Variants in PPP1R9A observed in about 807,000 individuals in gnomAD.
PPP1R9A encodes the protein protein phosphatase 1 regulatory subunit 9A, also known as neurabin-1.
In PPP1R9A, 59 loss-of-function variants were observed where a neutral mutation model predicts 141.9. That is an observed-to-expected ratio of 0.42 (90% CI 0.34 to 0.52). The LOEUF is 0.52. Among genes scored for constraint, PPP1R9A ranks in the 20% least tolerant of loss-of-function variants. The pLI is 0.10. For synonymous variants in PPP1R9A, 500 were observed against 569.7 expected (o/e 0.88, Z 1.74); for missense variants, 1,444 against 1,611.9 (o/e 0.90, Z 1.78).
rs560987684 is a variant in PPP1R9A at position 94,940,434 on chromosome 7, C to G, written c.1395+28926C>G. Among the ~76,000 whole-genome samples, 71 of 151,726 alleles carry G rather than the reference C, an allele frequency of 4.7e-4. 1 individual carries two copies. In the South Asian group the frequency reaches 0.01, roughly 22 times the overall value. On this transcript the variant is annotated intron_variant, in intron 2 of 19. Transcript: ENST00000433360. ...TAACATCCTCCTTAATACTATTTTT[C>G]TTCTTATTCCCAGTTACTCTGAGAA...
At chr7:95,191,581 T>C (rs965463368) in intron 5 of PPP1R9A, among the ~76,000 whole-genome samples, 4 of 152,134 alleles carry the variant, frequency 2.6e-5, no homozygotes, top group Admixed American at 2.0e-4. Flanking sequence ...ATAGTGGTAA[T>C]TTTGTCCAAG....
intron 2 of PPP1R9A, among the ~76,000 whole-genome samples, chr7:95,047,134 A>C (rs558977554): frequency 1.3e-5 from 2 of 152,198 alleles, no homozygotes; most frequent in East Asian, 1.9e-4. Flanking sequence ...GATTTGCTTC[A>C]TATTTATCTC....
chr7:95,037,823 GGCTAGGT>G (rs1808656945), intron 2 of PPP1R9A, among the ~76,000 whole-genome samples: 1 of 152,202 alleles, frequency 6.6e-6, no homozygotes, highest in South Asian at 2.1e-4. Flanking sequence ...TGTTAATCTT[GGCTAGGT>G]GTGGTGGCTC....
intron 2 of PPP1R9A, among the ~76,000 whole-genome samples, chr7:95,079,357 C>T (rs1815404526): frequency 6.6e-6 from 1 of 152,058 alleles, no homozygotes; most frequent in South Asian, 2.1e-4. Flanking sequence ...GTTTTGGTAC[C>T]AGTACCATGC....
intron 2 of PPP1R9A, among the ~76,000 whole-genome samples, chr7:95,102,580 G>T (rs1457054206): frequency 6.6e-6 from 1 of 152,178 alleles, no homozygotes; most frequent in Non-Finnish European, 1.5e-5. Context: ...CTTACATGTG[G>T]GCCCCATGCA....
chr7:95,029,147 G>A (rs1301379109), intron 2 of PPP1R9A, among the ~76,000 whole-genome samples: 2 of 152,142 alleles, frequency 1.3e-5, no homozygotes, highest in Non-Finnish European at 2.9e-5. Context: ...TACAGAGGCC[G>A]CGTATATTCT....
At chr7:95,131,470 C>T (rs980069862) in intron 4 of PPP1R9A, among the ~76,000 whole-genome samples, 1 of 152,138 alleles carries the variant, frequency 6.6e-6, no homozygotes, top group Non-Finnish European at 1.5e-5. Context: ...GTTCTCTATT[C>T]TGTTCCATTG....
At chr7:94,925,167 C>T (rs1290713255) in intron 2 of PPP1R9A, among the ~76,000 whole-genome samples, 1 of 152,066 alleles carries the variant, frequency 6.6e-6, no homozygotes, top group Non-Finnish European at 1.5e-5. Context: ...GAAGAGCTGA[C>T]ATTGCAGTTC....
chr7:95,296,084 G>A lies in PPP1R9A; in HGVS notation c.*5781G>A. 1 of 152,586 alleles carries A rather than the reference G, an allele frequency of 6.6e-6. No homozygotes were observed. Among genetic ancestry groups the A allele is most frequent in the South Asian group, 2.1e-4 (1 of 4,824 alleles). The allele number at this position is 152,586 out of a possible 1,614,324, so 9.5% of individuals were successfully genotyped here. A position where few individuals can be genotyped will look rare whatever the true frequency, so the allele number is the denominator to read the frequency against. On this transcript the variant is annotated 3_prime_UTR_variant, in exon 20 of 20. Transcript: ENST00000433360. ...AATAATTTTAAGTCTGATAAGTATG[G>A]ATAGCATGTTACCTAAGCTTTTAAT...
intron 8 of PPP1R9A, among the ~76,000 whole-genome samples, chr7:95,229,644 ACTC>A (rs1274998759): frequency 1.3e-5 from 2 of 151,486 alleles, no homozygotes; most frequent in African/African-American, 4.9e-5. Context: ...GAGCTAAGAC[ACTC>A]CTGTCCCTCC....
chr7:95,071,687 G>T (rs969851744), intron 2 of PPP1R9A, among the ~76,000 whole-genome samples: 1 of 151,784 alleles, frequency 6.6e-6, no homozygotes, highest in African/African-American at 2.4e-5. Context: ...ATAAAAGAAA[G>T]AATATGCTTA....
At chr7:95,283,201 C>A (rs972793353) in intron 16 of PPP1R9A, among the ~76,000 whole-genome samples, 6 of 152,122 alleles carry the variant, frequency 3.9e-5, no homozygotes, top group African/African-American at 1.4e-4. Context: ...TATGAAAGAA[C>A]CTACATTAAG....
At chr7:94,929,172 T>C (rs1445341629) in intron 2 of PPP1R9A, among the ~76,000 whole-genome samples, 1 of 152,240 alleles carries the variant, frequency 6.6e-6, no homozygotes, top group Admixed American at 6.5e-5. Context: ...AGAGAGCATC[T>C]TTTTGTAAAA....
intron 2 of PPP1R9A, among the ~76,000 whole-genome samples, chr7:95,022,395 T>C (rs1173636386): frequency 6.6e-6 from 1 of 152,050 alleles, no homozygotes; most frequent in Non-Finnish European, 1.5e-5. Flanking sequence ...AGTTTGTAAA[T>C]ATACAATATA....
At chr7:95,069,726 G>GCC (rs1813490787) in intron 2 of PPP1R9A, among the ~76,000 whole-genome samples, 1 of 152,050 alleles carries the variant, frequency 6.6e-6, no homozygotes, top group Non-Finnish European at 1.5e-5. Flanking sequence ...TTTCTTGAAA[G>GCC]CCCTTTATGT....
chr7:94,914,456 C>T (rs1006433245), intron 2 of PPP1R9A, among the ~76,000 whole-genome samples: 2 of 152,142 alleles, frequency 1.3e-5, no homozygotes, highest in African/African-American at 4.8e-5. Flanking sequence ...TAAAAATGGT[C>T]AGACTGTATT....
chr7:95,210,164 A>C (rs116096158), intron 7 of PPP1R9A, among the ~76,000 whole-genome samples: 1 of 152,174 alleles, frequency 6.6e-6, no homozygotes, highest in South Asian at 2.1e-4. Flanking sequence ...TAAGTAGGTA[A>C]ATGTATTAAA....
rs781432375 is a variant in PPP1R9A at position 95,251,774 on chromosome 7, C to T, written c.2409C>T (p.Phe803=). The stretch of plus-strand genomic sequence containing the variant: ...TTTTCTTCTTAAGAGAGCTTGATTT[C>T]ATCAAAAGACAGGAAGCAGAAAGAA... The part of the protein sequence containing the change: ...IKDFQQKELD[F]IKRQEAERKK... Residue 803 remains phenylalanine, a synonymous_variant, in exon 11 of 20, where the codon TTC becomes TTT. Transcript: ENST00000433360. The T allele has an allele frequency of 3.3e-5, 53 of 1,613,056 alleles. No homozygotes were observed. Among genetic ancestry groups the T allele is most frequent in the Non-Finnish European group, 5.1e-6 (6 of 1,179,534 alleles).
At chr7:95,280,516 TAA>T (rs564180318) in intron 16 of PPP1R9A, among the ~76,000 whole-genome samples, 2 of 152,182 alleles carry the variant, frequency 1.3e-5, no homozygotes, top group Non-Finnish European at 2.9e-5. Context: ...TCATTACTTA[TAA>T]GAGATATTAC....
Sources: allele counts gnomAD v4.1 joint callset (sites outside exome capture counted in the v4.1 genomes callset), GRCh38; gene constraint gnomAD v4.1.1; transcripts MANE v1.5; gene names NCBI Gene and HGNC (gene_info 2026-07-23, HGNC 2026-07-21).